Variants in ROBO2 observed in about 807,000 individuals in gnomAD.
The protein encoded by ROBO2 is roundabout guidance receptor 2, also known as roundabout homolog 2.
ROBO2 carries 53 observed loss-of-function variants against 160.8 expected under a neutral mutation model. The observed-to-expected ratio is 0.33, with a 90% CI of 0.26 to 0.41. ROBO2 has a LOEUF of 0.41. Ranked by LOEUF, ROBO2 falls within the 10% of genes least tolerant of loss-of-function variation. The pLI is 1.00. For synonymous variants in ROBO2, 664 were observed against 611.7 expected (o/e 1.09, Z -1.26); for missense variants, 1,577 against 1,722.4 (o/e 0.92, Z 1.49).
chr3:76,980,546 T>C (rs1045388526), intron 2 of ROBO2, among the ~76,000 whole-genome samples: 3 of 152,206 alleles, frequency 2.0e-5, no homozygotes, highest in African/African-American at 7.2e-5. Flanking sequence ...ACAAAATTTG[T>C]TTTAATACAA....
chr3:77,170,385 A>G (rs1349544048), intron 2 of ROBO2, among the ~76,000 whole-genome samples: 3 of 149,770 alleles, frequency 2.0e-5, no homozygotes, highest in Non-Finnish European at 3.0e-5. Context: ...TCAACAATAG[A>G]ATATTGCATT....
At chr3:77,027,048 A>G (rs2063011414) in intron 2 of ROBO2, among the ~76,000 whole-genome samples, 1 of 152,220 alleles carries the variant, frequency 6.6e-6, no homozygotes, top group African/African-American at 2.4e-5. Context: ...CATTCAGATA[A>G]AAAACTAAAT....
upstream of ROBO2, among the ~76,000 whole-genome samples, chr3:77,036,365 C>T (rs1031630018): frequency 2.0e-5 from 3 of 151,910 alleles, no homozygotes; most frequent in African/African-American, 4.8e-5. Context: ...TGCTGCCTTA[C>T]AATTATAACA....
chr3:76,622,242 GAAAGAAAGAAAGAAAGAAAGAAAGAAAGA>G (rs2089208036), intron 2 of ROBO2, among the ~76,000 whole-genome samples: 9 of 92,234 alleles, frequency 9.8e-5, no homozygotes, highest in African/African-American at 3.7e-4. Flanking sequence ...AAGGAAGAAA[GAAAGAAAGAAAGAAAGAAAGAAAGAAAGA>G]AAGAAAGAAA....
chr3:76,532,198 T>C (rs544419581), intron 2 of ROBO2, among the ~76,000 whole-genome samples: 1 of 152,306 alleles, frequency 6.6e-6, no homozygotes, highest in South Asian at 2.1e-4. Flanking sequence ...CTCCATACAA[T>C]AGCTGAATGC....
chr3:76,293,535 A>G (rs1708913260), intron 2 of ROBO2, among the ~76,000 whole-genome samples: 1 of 152,212 alleles, frequency 6.6e-6, no homozygotes, highest in Non-Finnish European at 1.5e-5. Flanking sequence ...AAAAAAAGTA[A>G]TAAAAATAAG....
chr3:76,198,447 G>A (rs1458250331), intron 2 of ROBO2, among the ~76,000 whole-genome samples: 1 of 152,170 alleles, frequency 6.6e-6, no homozygotes, highest in Non-Finnish European at 1.5e-5. Context: ...CAGACTGCAT[G>A]TGATGAAAAG....
At chr3:76,778,048 G>T (rs894259386) in intron 2 of ROBO2, among the ~76,000 whole-genome samples, 2 of 151,080 alleles carry the variant, frequency 1.3e-5, no homozygotes, top group Non-Finnish European at 3.0e-5. Context: ...GCAGGCTTAA[G>T]ATATGCAATG....
intron 2 of ROBO2, among the ~76,000 whole-genome samples, chr3:76,793,609 A>G (rs566283446): frequency 2.0e-5 from 3 of 151,660 alleles, no homozygotes; most frequent in Non-Finnish European, 4.4e-5. Context: ...TTCTTTTATT[A>G]TTATTATACT....
intron 2 of ROBO2, among the ~76,000 whole-genome samples, chr3:76,538,337 C>T (rs1326431663): frequency 6.6e-6 from 1 of 152,120 alleles, no homozygotes; most frequent in African/African-American, 2.4e-5. Flanking sequence ...TCCCAGTGTC[C>T]AGCAGGATTA....
intron 2 of ROBO2, among the ~76,000 whole-genome samples, chr3:76,423,600 T>C (rs909840125): frequency 1.3e-5 from 2 of 152,026 alleles, no homozygotes; most frequent in African/African-American, 4.8e-5. Context: ...AATTGGAAAA[T>C]GGGATTTGAT....
intron 2 of ROBO2, among the ~76,000 whole-genome samples, chr3:77,345,979 C>A (rs2067588722): frequency 6.6e-6 from 1 of 152,052 alleles, no homozygotes; most frequent in Non-Finnish European, 1.5e-5. Context: ...TTGGTTGGTT[C>A]TTTGGCCGTC....
chr3:76,880,475 G>GT (rs1418007982), intron 2 of ROBO2, among the ~76,000 whole-genome samples: 1 of 152,140 alleles, frequency 6.6e-6, no homozygotes, highest in Non-Finnish European at 1.5e-5. Flanking sequence ...CTGAAATGGT[G>GT]TAAGTGTTTC....
At chr3:76,113,064 A>G (rs2108247041) in intron 2 of ROBO2, among the ~76,000 whole-genome samples, 1 of 152,258 alleles carries the variant, frequency 6.6e-6, no homozygotes, top group Admixed American at 6.5e-5. Context: ...AAATAAATAC[A>G]GTGACATATG....
At chr3:76,598,767 G>GA (rs1406798623) in intron 2 of ROBO2, among the ~76,000 whole-genome samples, 3 of 152,008 alleles carry the variant, frequency 2.0e-5, no homozygotes, top group African/African-American at 4.8e-5. Context: ...GCTGAGGGGT[G>GA]AAAAAAAGTA....
chr3:77,565,628 G>A (rs1330696775), intron 12 of ROBO2, among the ~76,000 whole-genome samples: 1 of 151,994 alleles, frequency 6.6e-6, no homozygotes, highest in Non-Finnish European at 1.5e-5. Context: ...TGAGGTTGGG[G>A]CCCAGTGTTT....
intron 2 of ROBO2, among the ~76,000 whole-genome samples, chr3:76,127,729 G>T (rs1163497143): frequency 2.6e-5 from 4 of 151,744 alleles, no homozygotes; most frequent in East Asian, 1.9e-4. Context: ...CTTCTTATAG[G>T]TTATAACACT....
intron 2 of ROBO2, among the ~76,000 whole-genome samples, chr3:76,318,404 T>C (rs1036183705): frequency 5.3e-5 from 8 of 152,090 alleles, no homozygotes; most frequent in African/African-American, 1.9e-4. Flanking sequence ...ACAAATTGTG[T>C]GTATATATCT....
At chr3:76,735,435 T>G (rs533698499) in intron 2 of ROBO2, among the ~76,000 whole-genome samples, 2 of 152,134 alleles carry the variant, frequency 1.3e-5, no homozygotes, top group South Asian at 4.2e-4. Flanking sequence ...GAGGATTATT[T>G]AGAGGGGGAG....
Sources: allele counts gnomAD v4.1 joint callset (sites outside exome capture counted in the v4.1 genomes callset), GRCh38; gene constraint gnomAD v4.1.1; transcripts MANE v1.5; gene names NCBI Gene and HGNC (gene_info 2026-07-23, HGNC 2026-07-21).